Variants in TMEM178A observed in about 807,000 individuals in gnomAD.
TMEM178A encodes transmembrane protein 178.
In TMEM178A, 12 loss-of-function variants were observed where a neutral mutation model predicts 29.1. The observed-to-expected ratio is 0.41, with a 90% CI of 0.26 to 0.67. The LOEUF is 0.67. TMEM178A is among the 30% of genes least tolerant of loss of function. The pLI, the probability that TMEM178A is intolerant of heterozygous loss-of-function variation, is 0.29. For missense variants in TMEM178A, 366 were observed against 419.1 expected (o/e 0.87, Z 1.11); for synonymous variants, 210 against 187.2 (o/e 1.12, Z -0.99).
intron 3 of TMEM178A, among the ~76,000 whole-genome samples, chr2:39,708,099 T>C (rs887076664): frequency 2.6e-5 from 4 of 152,176 alleles, no homozygotes; most frequent in African/African-American, 7.2e-5. Flanking sequence ...TGATAAAAGC[T>C]GTGAAGAAAA....
chr2:39,712,662 C>CCT (rs61349730), intron 3 of TMEM178A, among the ~76,000 whole-genome samples: 3,694 of 148,424 alleles, frequency 0.025, 145 homozygotes, highest in African/African-American at 0.083. Context: ...GACTCAGGAA[C>CCT]CTCTCTCTCT....
chr2:39,699,398 T>G (rs143003673), intron 1 of TMEM178A, among the ~76,000 whole-genome samples: 1 of 152,160 alleles, frequency 6.6e-6, no homozygotes, highest in Non-Finnish European at 1.5e-5. Context: ...TTCCTTAGTG[T>G]GCTCTTCTTT....
intron 1 of TMEM178A, among the ~76,000 whole-genome samples, chr2:39,699,146 C>CTCCTGAG (rs1412013293): frequency 1.3e-5 from 2 of 151,826 alleles, no homozygotes; most frequent in African/African-American, 4.8e-5. Context: ...GTGCCTCAGC[C>CTCCTGAG]TCCTGAGTAG....
At chr2:39,724,286 A>C in the TMEM178A span, among the ~76,000 whole-genome samples, 2 of 152,282 alleles carry the variant, frequency 1.3e-5, no homozygotes, top group East Asian at 1.9e-4. Context: ...TATTTCAAAA[A>C]AAAAAAAGAG....
chr2:39,702,784 C>T (rs568334055), intron 1 of TMEM178A, among the ~76,000 whole-genome samples: 1 of 151,896 alleles, frequency 6.6e-6, no homozygotes, highest in East Asian at 1.9e-4. Context: ...TAGTTTTTCT[C>T]AAAGGGAGAT....
In TMEM178A at chr2:39,667,864, G is replaced by C. The variant is rs941751616; in HGVS notation, c.400+1490G>C. Among the ~76,000 whole-genome samples the C allele has an allele frequency of 5.3e-5, 8 of 152,194 alleles. No homozygotes were observed. The South Asian group carries it at 6.2e-4, about 12-fold the overall frequency. On this transcript the variant is annotated intron_variant, in intron 1 of 3. Transcript: ENST00000281961. ...ATGAAGATGCTGCATAATTAATTCT[G>C]ATAGTAGCATAGTACATGAACAAAC...
the TMEM178A span, among the ~76,000 whole-genome samples, chr2:39,735,388 C>CT: frequency 5.3e-3 from 811 of 152,300 alleles, 3 homozygotes; most frequent in African/African-American, 0.018. Context: ...CTTGCTTTTT[C>CT]TTTGAGTTGT....
chr2:39,682,347 A>G (rs1346924666), intron 1 of TMEM178A, among the ~76,000 whole-genome samples: 1 of 151,538 alleles, frequency 6.6e-6, no homozygotes, highest in Admixed American at 6.6e-5. Flanking sequence ...TTGTAGAACT[A>G]TTTGCCTTAA....
At chr2:39,719,726 C>T (rs1410737729), downstream of TMEM178A, among the ~76,000 whole-genome samples, 1 of 152,016 alleles carries the variant, frequency 6.6e-6, no homozygotes, top group African/African-American at 2.4e-5. Flanking sequence ...CCACACACCC[C>T]CCTTTTTAAC....
chr2:39,722,247 C>T (rs1156292578), downstream of TMEM178A, among the ~76,000 whole-genome samples: 2 of 151,982 alleles, frequency 1.3e-5, no homozygotes, highest in Non-Finnish European at 2.9e-5. Flanking sequence ...TTAAGGATGA[C>T]ACCTAAAGAA....
At chr2:39,692,212 T>G (rs574450774) in intron 1 of TMEM178A, among the ~76,000 whole-genome samples, 45 of 152,288 alleles carry the variant, frequency 3.0e-4, no homozygotes, top group Non-Finnish European at 5.1e-4. Flanking sequence ...GTACAAAGTT[T>G]CAGCTATGCA....
At chr2:39,666,576 C>A (rs939163663) in intron 1 of TMEM178A, among the ~76,000 whole-genome samples, 29 of 152,248 alleles carry the variant, frequency 1.9e-4, no homozygotes, top group Non-Finnish European at 3.4e-4. Flanking sequence ...CTCCTTGACT[C>A]TCTTCTTTCG....
At chr2:39,704,510 G>A (rs1671939284) in intron 2 of TMEM178A, among the ~76,000 whole-genome samples, 1 of 152,138 alleles carries the variant, frequency 6.6e-6, no homozygotes, top group Non-Finnish European at 1.5e-5. Flanking sequence ...CCCTTGTCTT[G>A]TAAACCAAGG....
Position 39,666,358 on chromosome 2 carries a change from C to T in TMEM178A, c.384C>T (p.Asp128=), listed in dbSNP as rs761016291. 6.3e-6 allele frequency: 9 copies of T among 1,425,054 alleles called. No individual in the cohort carries two copies. The Admixed American group carries it at 9.2e-5, about 15-fold the overall frequency. 88.3% of individuals were successfully genotyped at this position (1,425,054 alleles called of 1,614,324 possible). A position where few individuals can be genotyped will look rare whatever the true frequency, so the allele number is the denominator to read the frequency against. Residue 128 remains aspartate, a synonymous_variant, in exon 1 of 4, where the codon GAC becomes GAT. Coordinates refer to ENST00000281961, the MANE Select transcript of TMEM178A (RefSeq NM_152390.3). ...TCCTGGGCATCGACCGGGACATCGA[C>T]ACCCTCATCCTGAAAGGTGAGCGGC... The part of the protein sequence containing the change: ...CYFLGIDRDI[D]TLILKGIAQR...
At chr2:39,730,928 T>C in the TMEM178A span, among the ~76,000 whole-genome samples, 1 of 152,206 alleles carries the variant, frequency 6.6e-6, no homozygotes, top group Admixed American at 6.5e-5. Flanking sequence ...ACACAGAGTA[T>C]CCTGTATGGA....
intron 1 of TMEM178A, among the ~76,000 whole-genome samples, chr2:39,685,053 T>C (rs1333929127): frequency 1.3e-5 from 2 of 152,214 alleles, no homozygotes; most frequent in African/African-American, 4.8e-5. Context: ...CACAGTAAAA[T>C]GTTTTTTGCT....
At chr2:39,706,427 A>G (rs1256741726) in intron 2 of TMEM178A, among the ~76,000 whole-genome samples, 1 of 152,198 alleles carries the variant, frequency 6.6e-6, no homozygotes, top group African/African-American at 2.4e-5. Flanking sequence ...TGCACTTTAC[A>G]CCACTGTTCC....
chr2:39,687,731 G>A (rs1006073942), intron 1 of TMEM178A, among the ~76,000 whole-genome samples: 8 of 152,238 alleles, frequency 5.3e-5, no homozygotes, highest in African/African-American at 1.9e-4. Flanking sequence ...AAGCAAAGGG[G>A]ATGGAAATGT....
chr2:39,721,553 C>T (rs1672705173), downstream of TMEM178A, among the ~76,000 whole-genome samples: 1 of 152,066 alleles, frequency 6.6e-6, no homozygotes, highest in Non-Finnish European at 1.5e-5. Context: ...GGGTCTAGAG[C>T]AGAAAGAACA....
Sources: gnomAD v4.1 joint callset for allele counts (sites outside exome capture counted in the v4.1 genomes callset) on GRCh38, gnomAD v4.1.1 for gene constraint, MANE v1.5 for transcripts, NCBI Gene and HGNC (gene_info 2026-07-23, HGNC 2026-07-21) for gene names.